Variants in SLC38A4 observed in about 807,000 individuals in gnomAD.
The protein encoded by SLC38A4 is solute carrier family 38 member 4.
Under a neutral mutation model 63.1 loss-of-function variants are expected in SLC38A4, and 20 were observed. That is an observed-to-expected ratio of 0.32 (90% confidence interval 0.22 to 0.46). The LOEUF (loss-of-function observed/expected upper bound fraction) is 0.46. Among genes scored for constraint, SLC38A4 ranks in the 20% least tolerant of loss-of-function variants. The pLI is 1.00. For synonymous variants in SLC38A4, 230 were observed against 225.5 expected (o/e 1.02, Z -0.18); for missense variants, 526 against 663.6 (o/e 0.79, Z 2.28).
Position 46,779,766 on chromosome 12 carries a change from G to C in SLC38A4, c.658+14C>G, listed in dbSNP as rs1476159942. 1 of 1,597,058 alleles carries C rather than the reference G, an allele frequency of 6.3e-7. No homozygotes were observed. Among genetic ancestry groups the C allele is most frequent in the Non-Finnish European group, 8.5e-7 (1 of 1,171,886 alleles). On this transcript the variant is annotated intron_variant, in intron 9 of 16. Transcript: ENST00000266579. ...ATAAAAATAAAAATATTTCCAGTTA[G>C]AAAATATCTTTACCTAAATTTTTAA...
chr12:46,830,604 T>A (rs1398538033), upstream of SLC38A4, among the ~76,000 whole-genome samples: 30 of 152,180 alleles, frequency 2.0e-4, no homozygotes, highest in Admixed American at 2.0e-3. Context: ...AGCTCTGGCC[T>A]CTTTCCGCTT....
chr12:46,815,312 G>T (rs1939422230), intron 1 of SLC38A4, among the ~76,000 whole-genome samples: 1 of 141,696 alleles, frequency 7.1e-6, no homozygotes, highest in Admixed American at 7.0e-5. Flanking sequence ...CACACACAGA[G>T]ATTGAGAATA....
intron 13 of SLC38A4, among the ~76,000 whole-genome samples, chr12:46,776,306 G>C (rs915055062): frequency 2.0e-5 from 3 of 152,012 alleles, no homozygotes; most frequent in African/African-American, 7.2e-5. Context: ...AGGAAATGTT[G>C]CAGGCATAAT....
At chr12:46,801,665 A>G (rs1939134731) in intron 2 of SLC38A4, among the ~76,000 whole-genome samples, 1 of 152,088 alleles carries the variant, frequency 6.6e-6, no homozygotes, top group South Asian at 2.1e-4. Context: ...GTATCCAAGG[A>G]ACTTATTTAA....
Position 46,782,629 on chromosome 12 carries a change from A to T in SLC38A4, c.493+1913T>A, listed in dbSNP as rs1472319519. Among the ~76,000 whole-genome samples the T allele has an allele frequency of 4.6e-5, 7 of 151,950 alleles. No homozygotes were observed. The East Asian group carries it at 1.4e-3, about 30-fold the overall frequency. The stretch of plus-strand genomic sequence containing the variant: ...TCATATATTTGTTTTATAATTTTTT[A>T]AATGCCTATTTAAAAAATAATTCAG... On this transcript the variant is annotated intron_variant, in intron 7 of 16. Coordinates refer to ENST00000266579, the MANE Select transcript of SLC38A4 (RefSeq NM_018018.5).
At chr12:46,767,133 T>A (rs1375467553) in intron 16 of SLC38A4, among the ~76,000 whole-genome samples, 1 of 151,870 alleles carries the variant, frequency 6.6e-6, no homozygotes, top group Non-Finnish European at 1.5e-5. Context: ...ATCTTTTAGG[T>A]GAAAAAGAGC....
intron 14 of SLC38A4, among the ~76,000 whole-genome samples, chr12:46,771,829 C>A (rs747612033): frequency 1.2e-4 from 18 of 152,052 alleles, no homozygotes; most frequent in Non-Finnish European, 2.6e-4. Context: ...CTGATTCCCA[C>A]CAAGCCTCAT....
intron 1 of SLC38A4, among the ~76,000 whole-genome samples, chr12:46,805,070 A>G (rs1425316427): frequency 6.6e-6 from 1 of 151,974 alleles, no homozygotes; most frequent in Admixed American, 6.6e-5. Flanking sequence ...GAATGAATGC[A>G]CTCCAATATG....
intron 1 of SLC38A4, among the ~76,000 whole-genome samples, chr12:46,808,170 T>C (rs1386408274): frequency 2.0e-5 from 3 of 151,994 alleles, no homozygotes; most frequent in Non-Finnish European, 2.9e-5. Context: ...TGATGATACC[T>C]TCAAAAAATC....
At chr12:46,781,188 T>C (rs918061912) in intron 7 of SLC38A4, among the ~76,000 whole-genome samples, 3 of 152,046 alleles carry the variant, frequency 2.0e-5, no homozygotes, top group Non-Finnish European at 4.4e-5. Context: ...AACTCCGAGA[T>C]GTTAAGTTGA....
At chr12:46,797,446 C>T (rs532989178) in intron 2 of SLC38A4, among the ~76,000 whole-genome samples, 5 of 152,206 alleles carry the variant, frequency 3.3e-5, no homozygotes, top group African/African-American at 1.2e-4. Context: ...AACATTGGAG[C>T]TCCTGCTTCC....
intron 1 of SLC38A4, among the ~76,000 whole-genome samples, chr12:46,824,681 A>T (rs1404034976): frequency 6.6e-6 from 1 of 152,240 alleles, no homozygotes; most frequent in Non-Finnish European, 1.5e-5. Flanking sequence ...ATGCAGTATG[A>T]TTCCATTTAT....
intron 1 of SLC38A4, among the ~76,000 whole-genome samples, chr12:46,816,761 G>C (rs951898271): frequency 4.0e-5 from 6 of 151,764 alleles, no homozygotes; most frequent in African/African-American, 1.5e-4. Context: ...CTACTGAACG[G>C]TTTTCTAAAT....
At chr12:46,819,681 C>A (rs980050548) in intron 1 of SLC38A4, among the ~76,000 whole-genome samples, 1 of 151,730 alleles carries the variant, frequency 6.6e-6, no homozygotes, top group Non-Finnish European at 1.5e-5. Flanking sequence ...CTACAACAGA[C>A]AAGTATTGAT....
intron 3 of SLC38A4, among the ~76,000 whole-genome samples, chr12:46,790,151 T>C (rs1227641810): frequency 1.3e-5 from 2 of 152,166 alleles, no homozygotes; most frequent in African/African-American, 2.4e-5. Flanking sequence ...GTACAAGCTA[T>C]TTTTTATAAC....
intron 2 of SLC38A4, among the ~76,000 whole-genome samples, chr12:46,795,296 T>C (rs748962032): frequency 6.6e-6 from 1 of 152,130 alleles, no homozygotes; most frequent in South Asian, 2.1e-4. Flanking sequence ...AATATTTTCA[T>C]CTTGTTCTGT....
At chr12:46,796,015 A>G (rs543289043) in intron 2 of SLC38A4, among the ~76,000 whole-genome samples, 1 of 152,074 alleles carries the variant, frequency 6.6e-6, no homozygotes, top group East Asian at 1.9e-4. Context: ...CCCTTTGTTT[A>G]CTCCTGAAAC....
At chr12:46,779,895 A>G (rs999344239) in intron 8 of SLC38A4, 33 bp from the exon 9 acceptor site, 13 of 1,610,434 alleles carry the variant, frequency 8.1e-6, no homozygotes, top group Non-Finnish European at 1.1e-5. Context: ...TTAGAATCAG[A>G]AAAGACCAAG....
rs1939119809 is a variant in SLC38A4, at chr12:46,800,948, T to C, written c.-113+2655A>G. On this transcript the variant is annotated intron_variant, in intron 2 of 16. Transcript: ENST00000266579. ...AAAAATCGCTTTGTTGCACAGGGAA[T>C]GTTCAAAATGCTTCTAAAAGAAAAG... Among the ~76,000 whole-genome samples the C allele has an allele frequency of 2.0e-5, 3 of 152,162 alleles. No individual in the cohort carries two copies. In the South Asian group the frequency reaches 6.2e-4, roughly 32 times the overall value.
Sources: gnomAD v4.1 joint callset for allele counts (sites outside exome capture counted in the v4.1 genomes callset) on GRCh38, gnomAD v4.1.1 for gene constraint, MANE v1.5 for transcripts, NCBI Gene and HGNC (gene_info 2026-07-23, HGNC 2026-07-21) for gene names.